Variants in TENM2 observed in about 807,000 individuals in gnomAD.
The protein encoded by TENM2 is teneurin-2.
TENM2 carries 52 observed loss-of-function variants against 245.2 expected under a neutral mutation model. The ratio of observed to expected loss-of-function variants is 0.21; its 90% confidence interval spans 0.17 to 0.27. The LOEUF is 0.27. TENM2 is among the 10% of genes least tolerant of loss of function. TENM2 has a pLI of 1.00. For missense variants in TENM2, 3,046 were observed against 3,666.8 expected (o/e 0.83, Z 4.37); for synonymous variants, 1,363 against 1,438.9 (o/e 0.95, Z 1.19).
chr5:167,957,427 C>T (rs893775220), intron 4 of TENM2, among the ~76,000 whole-genome samples: 5 of 152,126 alleles, frequency 3.3e-5, no homozygotes, highest in South Asian at 2.1e-4. Flanking sequence ...AAACACAGCT[C>T]CTGGATTCAT....
At chr5:167,854,521 TTC>T (rs1248042973) in intron 2 of TENM2, among the ~76,000 whole-genome samples, 7 of 152,346 alleles carry the variant, frequency 4.6e-5, no homozygotes, top group African/African-American at 9.6e-5. Context: ...ACCTTGTCAG[TTC>T]TGTTCCAAAA....
At chr5:167,358,307 G>A (rs1402894588) in intron 1 of TENM2, among the ~76,000 whole-genome samples, 1 of 152,082 alleles carries the variant, frequency 6.6e-6, no homozygotes, top group Non-Finnish European at 1.5e-5. Context: ...TGATTACTAT[G>A]TTGCTACATC....
intron 2 of TENM2, among the ~76,000 whole-genome samples, chr5:167,800,135 A>T (rs556976977): frequency 6.6e-6 from 1 of 152,326 alleles, no homozygotes; most frequent in African/African-American, 2.4e-5. Context: ...GGTCCTTTTT[A>T]TCTGCACAAT....
At chr5:167,222,398 T>A in the TENM2 span, among the ~76,000 whole-genome samples, 2 of 152,230 alleles carry the variant, frequency 1.3e-5, no homozygotes, top group African/African-American at 4.8e-5. Flanking sequence ...TAGCTCAGTT[T>A]TGCATTGCAC....
intron 2 of TENM2, among the ~76,000 whole-genome samples, chr5:167,602,949 T>C (rs1776742571): frequency 6.6e-6 from 1 of 152,184 alleles, no homozygotes; most frequent in East Asian, 1.9e-4. Context: ...GCATTTGAAC[T>C]TACTGTGGGT....
At chr5:167,054,822 T>C in the TENM2 span, among the ~76,000 whole-genome samples, 1 of 152,164 alleles carries the variant, frequency 6.6e-6, no homozygotes, top group African/African-American at 2.4e-5. Context: ...CATTTTTGTA[T>C]CTTCTTTGGT....
At chr5:167,748,922 C>T (rs917448021) in intron 2 of TENM2, among the ~76,000 whole-genome samples, 2 of 151,986 alleles carry the variant, frequency 1.3e-5, no homozygotes, top group Non-Finnish European at 2.9e-5. Flanking sequence ...GGGACACAGC[C>T]AAATCATATT....
Position 167,815,866 on chromosome 5 carries a change from C to T in TENM2, c.503-60120C>T, listed in dbSNP as rs536383136. Among the ~76,000 whole-genome samples the T allele has an allele frequency of 3.3e-5, 5 of 152,054 alleles. 1 individual carries two copies. Among genetic ancestry groups the T allele is most frequent in the South Asian group, 4.2e-4 (2 of 4,812 alleles). On this transcript the variant is annotated intron_variant, in intron 2 of 28. Transcript: ENST00000518659. ...TCTCTTCCCAGGTCCATAGTGAGCCCCTACATGACACTGAGAAGATCTCTT... is the reference window on the plus strand; with the variant it reads ...TCTCTTCCCAGGTCCATAGTGAGCCTCTACATGACACTGAGAAGATCTCTT...
At position 167,892,068 on chromosome 5, in the gene TENM2, G is replaced by A. The variant is rs535095737; in HGVS notation, c.712+15873G>A. 2.0e-5 allele frequency among the ~76,000 whole-genome samples: 3 copies of A among 152,294 alleles called. No individual in the cohort carries two copies. The South Asian group carries it at 6.2e-4, about 32-fold the overall frequency. On this transcript the variant is annotated intron_variant, in intron 3 of 28. Transcript: ENST00000518659. ...CAGATGCTGCAAGTACTTGAAAGGA[G>A]CTTGTGATATAACATATTCTTGATT...
chr5:167,426,546 C>CAAA (rs59491444), intron 2 of TENM2, among the ~76,000 whole-genome samples: 7,557 of 102,150 alleles, frequency 0.074, 284 homozygotes, highest in African/African-American at 0.088. Context: ...CTTGCCTTTA[C>CAAA]AAAAAAAAAA....
chr5:167,557,494 T>C (rs1440169844), intron 2 of TENM2, among the ~76,000 whole-genome samples: 1 of 152,206 alleles, frequency 6.6e-6, no homozygotes, highest in African/African-American at 2.4e-5. Flanking sequence ...TAACAAGGCC[T>C]AGCTCACAAG....
chr5:168,252,747 T>G (rs889087020), intron 27 of TENM2, among the ~76,000 whole-genome samples: 1 of 151,280 alleles, frequency 6.6e-6, no homozygotes, highest in African/African-American at 2.4e-5. Flanking sequence ...CTTGGGAGGC[T>G]GAGGCAAGAG....
At chr5:168,246,615 A>G in intron 26 of TENM2, 142 bp from the exon 29 acceptor site, 1 of 868,584 alleles carries the variant, frequency 1.2e-6, no homozygotes, top group Non-Finnish European at 1.8e-6. Context: ...CCAGTGAAAT[A>G]AATCTGTTTA....
the TENM2 span, among the ~76,000 whole-genome samples, chr5:167,190,144 C>T: frequency 3.9e-5 from 6 of 152,036 alleles, no homozygotes; most frequent in African/African-American, 1.4e-4. Flanking sequence ...AGTCTCAGAT[C>T]TTGGAGTTGG....
intron 17 of TENM2, among the ~76,000 whole-genome samples, chr5:168,201,290 G>A (rs942724624): frequency 2.0e-5 from 3 of 150,794 alleles, no homozygotes; most frequent in South Asian, 2.1e-4. Context: ...GTGTGTGTGT[G>A]TATATATATA....
At chr5:167,754,635 A>G (rs987736305) in intron 2 of TENM2, among the ~76,000 whole-genome samples, 5 of 152,104 alleles carry the variant, frequency 3.3e-5, no homozygotes, top group Admixed American at 3.3e-4. Context: ...AAAATTAAGT[A>G]TACACAGTGA....
Position 167,454,478 on chromosome 5 carries a change from A to G in TENM2, c.502+79005A>G, listed in dbSNP as rs960762416. Among the ~76,000 whole-genome samples, 77 of 122,232 alleles carry G rather than the reference A, an allele frequency of 6.3e-4. No individual in the cohort carries two copies. The Middle Eastern group carries it at 0.041, about 65-fold the overall frequency. The allele number at this position is 122,232 out of a possible 152,430, so 80.2% of individuals were successfully genotyped here. Reference sequence around the variant, plus strand: ...TGTGTGTGTGTGTGTGTGTGTGTGCATGTGCACACGTGTGTATGTGTCTGT... The same window carrying G: ...TGTGTGTGTGTGTGTGTGTGTGTGCGTGTGCACACGTGTGTATGTGTCTGT... On this transcript the variant is annotated intron_variant, in intron 2 of 28. Coordinates refer to ENST00000518659, the Ensembl canonical transcript of TENM2.
intron 2 of TENM2, among the ~76,000 whole-genome samples, chr5:167,469,745 A>T (rs1384491451): frequency 2.0e-5 from 3 of 151,930 alleles, no homozygotes; most frequent in Non-Finnish European, 2.9e-5. Context: ...TTTTTTCAGA[A>T]AAATAAGACA....
At chr5:168,080,527 C>A (rs181809880) in intron 7 of TENM2, among the ~76,000 whole-genome samples, 2 of 151,848 alleles carry the variant, frequency 1.3e-5, no homozygotes, top group Non-Finnish European at 2.9e-5. Context: ...GATGTTAGGG[C>A]GTCAATTTTA....
Sources: gnomAD v4.1 joint callset for allele counts (sites outside exome capture counted in the v4.1 genomes callset) on GRCh38, gnomAD v4.1.1 for gene constraint, MANE v1.5 for transcripts, NCBI Gene and HGNC (gene_info 2026-07-23, HGNC 2026-07-21) for gene names.